Variants in SORCS2 observed in about 807,000 individuals in gnomAD.
SORCS2 encodes the protein VPS10 domain-containing receptor SorCS2.
A neutral mutation model predicts 141.6 loss-of-function variants in SORCS2; 100 were observed. The observed-to-expected ratio is 0.71, with a 90% CI of 0.60 to 0.83. The LOEUF (loss-of-function observed/expected upper bound fraction) is 0.83. Among genes scored for constraint, SORCS2 ranks in the 40% least tolerant of loss-of-function variants. SORCS2 has a pLI of 0.00. For synonymous variants in SORCS2, 789 were observed against 676.9 expected, an observed-to-expected ratio of 1.17 and a Z score of -2.57; for missense variants, 1,646 against 1,560.2, an observed-to-expected ratio of 1.05 and a Z score of -0.93.
intron 3 of SORCS2, among the ~76,000 whole-genome samples, chr4:7,614,244 A>T (rs1577841796): frequency 6.9e-6 from 1 of 144,218 alleles, no homozygotes; most frequent in Non-Finnish European, 1.5e-5. Flanking sequence ...TAATCCACCT[A>T]TCCGTCCACC....
chr4:7,471,408 A>T (rs912831239), intron 2 of SORCS2, among the ~76,000 whole-genome samples: 1 of 152,236 alleles, frequency 6.6e-6, no homozygotes. Context: ...ATAAATTCAT[A>T]AGAAAAGCCT....
intron 1 of SORCS2, among the ~76,000 whole-genome samples, chr4:7,334,051 G>A (rs1455432629): frequency 4.6e-5 from 7 of 152,132 alleles, no homozygotes; most frequent in South Asian, 4.1e-4. Flanking sequence ...GAGGCTCCGC[G>A]TCAACTCTGG....
intron 5 of SORCS2, among the ~76,000 whole-genome samples, chr4:7,657,485 CAATG>C (rs933445816): frequency 3.1e-5 from 3 of 96,450 alleles, no homozygotes; most frequent in East Asian, 3.5e-4. Flanking sequence ...GTAGGTGAGT[CAATG>C]AATGAATGAG....
At chr4:7,433,318 G>T (rs186026629) in intron 2 of SORCS2, 1 of 1,403,150 alleles carries the variant, frequency 7.1e-7, no homozygotes. Context: ...CCACGGTCAC[G>T]CGTGTTCCCC....
At chr4:7,590,757 C>T (rs937210726) in intron 3 of SORCS2, among the ~76,000 whole-genome samples, 7 of 152,148 alleles carry the variant, frequency 4.6e-5, no homozygotes, top group African/African-American at 1.2e-4. Context: ...TGAGCCACTG[C>T]GCCGGCTACT....
chr4:7,505,563 A>G (rs569269672), intron 2 of SORCS2, among the ~76,000 whole-genome samples: 4 of 152,188 alleles, frequency 2.6e-5, no homozygotes, highest in East Asian at 1.9e-4. Context: ...CTTTCTGCAT[A>G]ATAGTGATAT....
intron 3 of SORCS2, among the ~76,000 whole-genome samples, chr4:7,630,930 A>G (rs1482687333): frequency 6.6e-6 from 1 of 152,150 alleles, no homozygotes; most frequent in Non-Finnish European, 1.5e-5. Flanking sequence ...GCAGAATAAA[A>G]GCATCCTCCC....
chr4:7,498,466 T>A (rs1021729001), intron 2 of SORCS2, among the ~76,000 whole-genome samples: 1 of 152,174 alleles, frequency 6.6e-6, no homozygotes, highest in African/African-American at 2.4e-5. Context: ...CACCTCTGAG[T>A]GTGGTGCAGA....
In SORCS2 at chr4:7,715,241, A is replaced by G; in HGVS notation, c.2182A>G (p.Asn728Asp). The change falls in exon 17 of 27, where the codon AAC (asparagine) becomes GAC (aspartate). Residue 728 changes from asparagine (N) to aspartate (D), a missense_variant. Physicochemically the swap from Asn to Asp is conservative, Grantham distance 23. Coordinates refer to ENST00000507866, the MANE Select transcript of SORCS2 (RefSeq NM_020777.3). Reference sequence around the variant, plus strand: ...GTCCAGCACCAACAAGTGCTCTGCCAACTTCTGGTTTAACCCATTGTCCCC... The same window carrying G: ...GTCCAGCACCAACAAGTGCTCTGCCGACTTCTGGTTTAACCCATTGTCCCC... ...SESSTNKCSA[N>D]FWFNPLSPPD... 6.2e-7 allele frequency: 1 copy of G among 1,613,952 alleles called. No individual in the cohort carries two copies. The highest frequency in any genetic ancestry group is 8.5e-7 in the Non-Finnish European group (1 of 1,179,862).
chr4:7,734,582 C>A (rs376817066), intron 25 of SORCS2, among the ~76,000 whole-genome samples: 1 of 152,110 alleles, frequency 6.6e-6, no homozygotes, highest in Non-Finnish European at 1.5e-5. Context: ...GGCCGCCACT[C>A]GCAACCCAGA....
At chr4:7,464,793 T>G (rs1729516082) in intron 2 of SORCS2, among the ~76,000 whole-genome samples, 1 of 152,332 alleles carries the variant, frequency 6.6e-6, no homozygotes, top group East Asian at 1.9e-4. Context: ...TGGAATGTAC[T>G]TGTTTGTGCT....
chr4:7,299,186 G>T (rs28552802), intron 1 of SORCS2, among the ~76,000 whole-genome samples: 100,189 of 152,206 alleles, frequency 0.66, 34,286 homozygotes, highest in Non-Finnish European at 0.75. Flanking sequence ...CCTGTCCGGG[G>T]CTGGGGGTGG....
At chr4:7,208,259 C>T (rs981030922) in intron 1 of SORCS2, among the ~76,000 whole-genome samples, 18 of 152,154 alleles carry the variant, frequency 1.2e-4, no homozygotes, top group Non-Finnish European at 1.0e-4. Context: ...AGACCGTCCA[C>T]GGGGCATGTC....
intron 3 of SORCS2, among the ~76,000 whole-genome samples, chr4:7,604,255 G>A (rs1313328776): frequency 1.3e-5 from 2 of 152,184 alleles, no homozygotes; most frequent in Non-Finnish European, 2.9e-5. Context: ...TCATAGGGGT[G>A]GTTTCCCCCA....
At chr4:7,647,802 GC>G (rs1490174072) in intron 4 of SORCS2, among the ~76,000 whole-genome samples, 1 of 152,230 alleles carries the variant, frequency 6.6e-6, no homozygotes, top group Non-Finnish European at 1.5e-5. Context: ...TCAGCCCTCG[GC>G]TGGTTCTTCT....
At chr4:7,348,292 A>G (rs970243367) in intron 1 of SORCS2, among the ~76,000 whole-genome samples, 1 of 152,240 alleles carries the variant, frequency 6.6e-6, no homozygotes, top group Non-Finnish European at 1.5e-5. Context: ...CATTCAGAGA[A>G]AGCATATTGT....
chr4:7,232,076 C>T (rs1016258424), intron 1 of SORCS2, among the ~76,000 whole-genome samples: 3 of 152,178 alleles, frequency 2.0e-5, no homozygotes, highest in South Asian at 2.1e-4. Flanking sequence ...GACGGAGTTG[C>T]GGATGGCTTC....
chr4:7,731,003 T>C (rs150731529), intron 23 of SORCS2, among the ~76,000 whole-genome samples: 1,659 of 152,344 alleles, frequency 0.011, 30 homozygotes, highest in African/African-American at 0.039. Flanking sequence ...CACTCCAGCA[T>C]GCCCACGTGG....
chr4:7,453,654 G>A, intron 2 of SORCS2, among the ~76,000 whole-genome samples: 1 of 134,510 alleles, frequency 7.4e-6, no homozygotes, highest in Non-Finnish European at 1.6e-5. Flanking sequence ...CTGTGTTGGG[G>A]TCAGGAGCTG....
Sources: allele counts gnomAD v4.1 joint callset (sites outside exome capture counted in the v4.1 genomes callset), GRCh38; gene constraint gnomAD v4.1.1; transcripts MANE v1.5; gene names NCBI Gene and HGNC (gene_info 2026-07-23, HGNC 2026-07-21).